CEP128: variants seen among roughly 807,000 people sequenced by gnomAD.
CEP128 encodes the protein centrosomal protein 128kDa.
In CEP128, 132 loss-of-function variants were observed where a neutral mutation model predicts 156.7. That is an observed-to-expected ratio of 0.84 (90% CI 0.73 to 0.97). The LOEUF (loss-of-function observed/expected upper bound fraction) is 0.97. CEP128 is among the 50% of genes least tolerant of loss of function. The pLI is 0.00. For missense variants in CEP128, 1,252 were observed against 1,281.9 expected (o/e 0.98, Z 0.36); for synonymous variants, 469 against 448.9 (o/e 1.04, Z -0.57).
intron 21 of CEP128, among the ~76,000 whole-genome samples, chr14:80,544,176 G>A (rs1430045702): frequency 2.6e-5 from 4 of 152,092 alleles, no homozygotes; most frequent in Admixed American, 2.0e-4. Context: ...ATGAAAATAG[G>A]TCAATAGAGA....
At chr14:80,728,952 T>C (rs1449777773) in intron 19 of CEP128, among the ~76,000 whole-genome samples, 1 of 152,196 alleles carries the variant, frequency 6.6e-6, no homozygotes, top group Non-Finnish European at 1.5e-5. Context: ...AGGTTCACGC[T>C]GAGCCCTTTT....
intron 21 of CEP128, among the ~76,000 whole-genome samples, chr14:80,537,381 A>G (rs374176856): frequency 3.3e-5 from 5 of 152,186 alleles, no homozygotes; most frequent in African/African-American, 1.2e-4. Flanking sequence ...TTTGATGGAG[A>G]AGGGAAGACA....
chr14:80,562,845 G>C (rs1464993344), intron 20 of CEP128, among the ~76,000 whole-genome samples: 1 of 150,844 alleles, frequency 6.6e-6, no homozygotes, highest in African/African-American at 2.4e-5. Context: ...TTTACTTTTT[G>C]TAGAGATGGG....
chr14:80,534,114 T>C (rs1250049574), intron 21 of CEP128, among the ~76,000 whole-genome samples: 1 of 151,924 alleles, frequency 6.6e-6, no homozygotes, highest in African/African-American at 2.4e-5. Context: ...AAGTGATATT[T>C]TTTGGGAGAA....
chr14:80,887,342 A>T (rs1250125601), intron 8 of CEP128, among the ~76,000 whole-genome samples: 1 of 152,238 alleles, frequency 6.6e-6, no homozygotes, highest in African/African-American at 2.4e-5. Flanking sequence ...TTAGCACTGC[A>T]TAGCACTTAT....
intron 13 of CEP128, among the ~76,000 whole-genome samples, chr14:80,823,394 T>C (rs889226713): frequency 2.0e-5 from 3 of 152,194 alleles, no homozygotes; most frequent in African/African-American, 7.2e-5. Context: ...AAATGTGAAA[T>C]GTCAACCCTC....
At chr14:80,606,984 T>C (rs531139389) in intron 19 of CEP128, among the ~76,000 whole-genome samples, 1 of 151,674 alleles carries the variant, frequency 6.6e-6, no homozygotes, top group South Asian at 2.1e-4. Flanking sequence ...TACATATATA[T>C]ACATACATGT....
At chr14:80,803,871 G>A (rs1419482110) in intron 13 of CEP128, among the ~76,000 whole-genome samples, 1 of 152,000 alleles carries the variant, frequency 6.6e-6, no homozygotes, top group Non-Finnish European at 1.5e-5. Context: ...TATGATATCT[G>A]AGAAAACCTC....
chr14:80,578,476 A>G (rs1001740003), intron 20 of CEP128, among the ~76,000 whole-genome samples: 3 of 152,208 alleles, frequency 2.0e-5, no homozygotes. Context: ...TGTAAATTGG[A>G]ATTAAATATT....
chr14:80,904,970 G>T, intron 5 of CEP128, 39 bp from the exon 6 acceptor site: 2 of 1,138,724 alleles, frequency 1.8e-6, no homozygotes, highest in Non-Finnish European at 2.7e-6. Context: ...TTAAAATACT[G>T]CATGAGAAGA....
rs751403443 is a variant in CEP128 at position 80,793,124 on chromosome 14, A to G, written c.1210-14T>C. 12 of 1,592,846 alleles carry G rather than the reference A, an allele frequency of 7.5e-6. No homozygotes were observed. In the African/African-American group the frequency reaches 1.5e-4, roughly 20 times the overall value. ...ACGTGTTAAATTCTACGAATAAAGC[A>G]TGCAAAACATTAGGAACAAATCCTT... On this transcript the variant is annotated splice_polypyrimidine_tract_variant and intron_variant, in intron 13 of 24. Transcript: ENST00000555265.
chr14:80,607,363 T>C (rs1355552952), intron 19 of CEP128, among the ~76,000 whole-genome samples: 1 of 152,006 alleles, frequency 6.6e-6, no homozygotes, highest in African/African-American at 2.4e-5. Context: ...CAAAAGCGAA[T>C]GTAAAATTAG....
intron 19 of CEP128, among the ~76,000 whole-genome samples, chr14:80,720,454 C>A (rs185922365): frequency 1.2e-4 from 18 of 152,250 alleles, no homozygotes; most frequent in Non-Finnish European, 2.1e-4. Flanking sequence ...GCATTCCCAG[C>A]CAAGCCACAT....
chr14:80,526,973 T>C lies in CEP128; in HGVS notation c.2968A>G (p.Ser990Gly), dbSNP rs202060840. 1 of 1,523,166 alleles carries C rather than the reference T, an allele frequency of 6.6e-7. No homozygotes were observed. The highest frequency in any genetic ancestry group is 1.4e-5 in the African/African-American group (1 of 69,156). 94.4% of individuals were successfully genotyped at this position (1,523,166 alleles called of 1,614,324 possible). ...EDFKDFRDSC[S>G]SSERTDGRYS... ...CTTCCATCAGTTCTCTCAGATGAAC[T>C]GCAGGAATCCTGGAAAAAAAAAAAA... The change falls in exon 23 of 25, where the codon AGT becomes GGT. Residue 990 changes from serine (S) to glycine (G), a missense_variant. Transcript: ENST00000555265.
intron 19 of CEP128, among the ~76,000 whole-genome samples, chr14:80,724,946 C>G (rs150535169): frequency 0.012 from 1,768 of 145,398 alleles, 35 homozygotes; most frequent in African/African-American, 0.043. Context: ...ATATATATAT[C>G]ATACATTTAT....
rs1895486101 is a variant in CEP128 at position 80,663,546 on chromosome 14, A to G, written c.2806+79529T>C. ...CAGCCACCTTCCGATAATAATAATA[A>G]CCACAATGATATCAATCACAATAAA... On this transcript the variant is annotated intron_variant, in intron 19 of 24. Coordinates refer to ENST00000555265, the MANE Select transcript of CEP128 (RefSeq NM_152446.5). Among the ~76,000 whole-genome samples the G allele has an allele frequency of 2.0e-5, 3 of 152,194 alleles. No individual in the cohort carries two copies. In the South Asian group the frequency reaches 6.2e-4, roughly 32 times the overall value.
Position 80,831,143 on chromosome 14 carries a change from C to T in CEP128, c.1209G>A (p.Glu403=). The T allele has an allele frequency of 1.9e-6, 3 of 1,613,586 alleles. No individual in the cohort carries two copies. Among genetic ancestry groups the T allele is most frequent in the Non-Finnish European group, 1.7e-6 (2 of 1,179,704 alleles). ...TATGACTTAAAAAGAGCAAAGTCAC[C>T]TCTACTTGTGATGCCAAATGTGCTT... is the stretch of plus-strand genomic sequence containing the variant. ...KEKAHLASQV[E]NLTRELENGE... is the part of the protein sequence containing the mutation. Residue 403 remains glutamate (E), a splice_region_variant and synonymous_variant, in exon 13 of 25, where the codon GAG becomes GAA. Transcript: ENST00000555265.
chr14:80,602,153 AG>A (rs2096770718), intron 19 of CEP128, among the ~76,000 whole-genome samples: 1 of 152,360 alleles, frequency 6.6e-6, no homozygotes, highest in East Asian at 1.9e-4. Context: ...AACAATTATA[AG>A]TATATATGCA....
intron 2 of CEP128, chr14:80,955,350 G>T (rs1360887382): frequency 1.3e-5 from 6 of 475,466 alleles, no homozygotes; most frequent in Non-Finnish European, 1.9e-5. Flanking sequence ...GGCGCCCGGG[G>T]TGGGGGGGCG....
Sources: allele counts gnomAD v4.1 joint callset (sites outside exome capture counted in the v4.1 genomes callset), GRCh38; gene constraint gnomAD v4.1.1; transcripts MANE v1.5; gene names NCBI Gene and HGNC (gene_info 2026-07-23, HGNC 2026-07-21).